The following ECE1 variants were observed in gnomAD, a reference collection of about 807,000 sequenced individuals.
ECE1 encodes endothelin converting enzyme 1, also known as endothelin-converting enzyme 1.
In ECE1, 35 loss-of-function variants were observed where a neutral mutation model predicts 98.6. The ratio of observed to expected loss-of-function variants is 0.35; its 90% confidence interval spans 0.27 to 0.47. The LOEUF (loss-of-function observed/expected upper bound fraction) is 0.47. Ranked by LOEUF, ECE1 falls within the 20% of genes least tolerant of loss-of-function variation. The pLI is 1.00. For synonymous variants in ECE1, 394 were observed against 407.1 expected (o/e 0.97, Z 0.39); for missense variants, 814 against 1,025.3 (o/e 0.79, Z 2.81).
At chr1:21,259,502 G>C (rs935186771) in intron 5 of ECE1, among the ~76,000 whole-genome samples, 4 of 152,120 alleles carry the variant, frequency 2.6e-5, no homozygotes, top group African/African-American at 9.7e-5. Context: ...CTGGCTTCAA[G>C]TGATCCTCCT....
At chr1:21,223,129 C>G (rs950025557) in intron 17 of ECE1, among the ~76,000 whole-genome samples, 10 of 151,754 alleles carry the variant, frequency 6.6e-5, no homozygotes, top group African/African-American at 9.7e-5. Context: ...TGCACGCCAC[C>G]ATGCCCAGCT....
chr1:21,321,122 T>C (rs1470003308), intron 1 of ECE1, among the ~76,000 whole-genome samples: 1 of 152,142 alleles, frequency 6.6e-6, no homozygotes, highest in Non-Finnish European at 1.5e-5. Flanking sequence ...AGAGGTGGTG[T>C]CACTTGCCAA....
chr1:21,276,308 G>A (rs939645276), intron 3 of ECE1, among the ~76,000 whole-genome samples: 8 of 152,186 alleles, frequency 5.3e-5, no homozygotes, highest in African/African-American at 1.9e-4. Flanking sequence ...TTATAGGCGT[G>A]AGCCACTGCG....
chr1:21,296,640 A>G (rs942011677), intron 1 of ECE1, among the ~76,000 whole-genome samples: 3 of 152,226 alleles, frequency 2.0e-5, no homozygotes, highest in Non-Finnish European at 2.9e-5. Context: ...ACCATGTGGG[A>G]TAAGTCCTGG....
rs1265671520 is a variant in ECE1, at chr1:21,333,289, A to C, written c.3+12087T>G. Among the ~76,000 whole-genome samples the C allele has an allele frequency of 2.4e-5, 3 of 125,432 alleles. No homozygotes were observed. The East Asian group carries it at 8.3e-4, about 35-fold the overall frequency. 82.3% of individuals were successfully genotyped at this position (125,432 alleles called of 152,430 possible). Reference sequence around the variant, plus strand: ...TAGTGCCTCCGCCTCCCCCACCCCTATTTGGGCTGAAGGCAGACAGCACAG... The same window carrying C: ...TAGTGCCTCCGCCTCCCCCACCCCTCTTTGGGCTGAAGGCAGACAGCACAG... On this transcript the variant is annotated intron_variant, in intron 1 of 18. Coordinates refer to the ECE1 transcript ENST00000415912.
chr1:21,291,404 G>C (rs1015894482), upstream of ECE1, among the ~76,000 whole-genome samples: 3 of 152,222 alleles, frequency 2.0e-5, no homozygotes, highest in Admixed American at 2.0e-4. Flanking sequence ...TGAATAAACA[G>C]GTTTAGAGGG....
At chr1:21,314,085 T>G (rs1191477520) in intron 1 of ECE1, among the ~76,000 whole-genome samples, 2 of 152,240 alleles carry the variant, frequency 1.3e-5, no homozygotes, top group African/African-American at 4.8e-5. Context: ...GCTAAGCACT[T>G]TACGTGTGTT....
intron 1 of ECE1, among the ~76,000 whole-genome samples, chr1:21,341,202 T>C (rs1639392110): frequency 6.6e-6 from 1 of 152,220 alleles, no homozygotes; most frequent in Non-Finnish European, 1.5e-5. Flanking sequence ...AATTTCCTGC[T>C]CTGTATCTGT....
intron 1 of ECE1, among the ~76,000 whole-genome samples, chr1:21,308,951 G>C (rs1226768255): frequency 1.3e-5 from 2 of 152,192 alleles, no homozygotes; most frequent in Non-Finnish European, 2.9e-5. Flanking sequence ...GACTGAGCCA[G>C]AGCCCATCAT....
At chr1:21,342,546 T>C (rs553065819) in intron 1 of ECE1, among the ~76,000 whole-genome samples, 2 of 151,226 alleles carry the variant, frequency 1.3e-5, no homozygotes, top group African/African-American at 4.9e-5. Context: ...CTGGTGACCA[T>C]CAGGGAGATT....
At chr1:21,333,882 C>T (rs1639256766) in intron 1 of ECE1, among the ~76,000 whole-genome samples, 1 of 152,188 alleles carries the variant, frequency 6.6e-6, no homozygotes, top group African/African-American at 2.4e-5. Context: ...GCTCCCACCT[C>T]CCAAGGGCCA....
intron 10 of ECE1, among the ~76,000 whole-genome samples, chr1:21,239,546 A>G (rs1389989321): frequency 1.3e-5 from 2 of 152,220 alleles, no homozygotes; most frequent in African/African-American, 4.8e-5. Flanking sequence ...TGGCAACAAA[A>G]AGGAATGAAC....
At chr1:21,277,336 C>G (rs1363052528) in intron 3 of ECE1, among the ~76,000 whole-genome samples, 4 of 152,240 alleles carry the variant, frequency 2.6e-5, no homozygotes, top group East Asian at 1.9e-4. Flanking sequence ...GGGACTCCCC[C>G]CTGGTTTCTG....
chr1:21,223,437 C>CTG (rs1012817443), intron 17 of ECE1, among the ~76,000 whole-genome samples: 7 of 152,020 alleles, frequency 4.6e-5, no homozygotes. Context: ...TACAGGCATG[C>CTG]GTCACCACAC....
Position 21,258,710 on chromosome 1 carries a change from T to TG in ECE1, c.744dup (p.Asn249GlnfsTer25). ...TAGCTCACCTGGATCACGTTGCTGT[T>TG]GGAGTTCTTGGAATCGGCACTGACA... On this transcript the variant is annotated frameshift_variant, in exon 6 of 19. Transcript: ENST00000374893. LOFTEE classifies it high-confidence loss of function. The surrounding 1 kb of genome is among the most constrained non-coding windows in gnomAD (Gnocchi z 4.2). The TG allele has an allele frequency of 6.2e-7, 1 of 1,614,148 alleles. No individual in the cohort carries two copies. The highest frequency in any genetic ancestry group is 8.5e-7 in the Non-Finnish European group (1 of 1,180,032).
chr1:21,270,539 C>T (rs1043083464), intron 4 of ECE1, among the ~76,000 whole-genome samples: 8 of 152,238 alleles, frequency 5.3e-5, no homozygotes, highest in African/African-American at 1.9e-4. Flanking sequence ...TCGCTTTCCT[C>T]ATCTACCAAC....
chr1:21,290,178 G>C lies in ECE1; in HGVS notation c.52-22C>G. ...ACATCTGCAAGGCCAAATGCAGCAC[G>C]GACTCCCTCAGCGCCTCCATGGCTC... On this transcript the variant is annotated intron_variant, in intron 1 of 18. Transcript: ENST00000374893. This position sits in a 1 kb window ranked among gnomAD's most constrained non-coding sequence, Gnocchi z 7.3. The C allele has an allele frequency of 2.6e-6, 4 of 1,538,188 alleles. No homozygotes were observed. The highest frequency in any genetic ancestry group is 1.7e-4 in the Middle Eastern group (1 of 5,834).
chr1:21,244,781 C>T (rs1161281705), intron 10 of ECE1, among the ~76,000 whole-genome samples: 1 of 152,104 alleles, frequency 6.6e-6, no homozygotes, highest in Non-Finnish European at 1.5e-5. Context: ...TCAAGGGGAG[C>T]ATCTATCATC....
intron 1 of ECE1, among the ~76,000 whole-genome samples, chr1:21,305,477 T>C (rs1003838226): frequency 2.0e-5 from 3 of 152,226 alleles, no homozygotes; most frequent in Non-Finnish European, 4.4e-5. Flanking sequence ...TTTCTCTGTA[T>C]AGAGAATGGC....
Sources: gnomAD v4.1 joint callset for allele counts (sites outside exome capture counted in the v4.1 genomes callset) on GRCh38, gnomAD v4.1.1 for gene constraint, Gnocchi (gnomAD v3.1) non-coding constraint, MANE v1.5 for transcripts, NCBI Gene and HGNC (gene_info 2026-07-23, HGNC 2026-07-21) for gene names.